TP63: variants seen among roughly 807,000 people sequenced by gnomAD.
TP63 encodes the protein tumor protein p63.
Under a neutral mutation model 82.8 loss-of-function variants are expected in TP63, and 17 were observed. That is an observed-to-expected ratio of 0.21 (90% confidence interval 0.14 to 0.31). The LOEUF (loss-of-function observed/expected upper bound fraction) is 0.31. TP63 is among the 10% of genes least tolerant of loss of function. The pLI is 1.00. For synonymous variants in TP63, 330 were observed against 321.7 expected (o/e 1.03, Z -0.28); for missense variants, 648 against 895.3 (o/e 0.72, Z 3.52).
chr3:189,724,009 ATTTT>A (rs34805260), intron 1 of TP63, among the ~76,000 whole-genome samples: 54 of 116,530 alleles, frequency 4.6e-4, no homozygotes, highest in Admixed American at 6.3e-4. Context: ...CCTGGCTTTC[ATTTT>A]TTTTTTTTTT....
At chr3:189,751,743 G>A (rs942777888) in intron 3 of TP63, among the ~76,000 whole-genome samples, 10 of 152,046 alleles carry the variant, frequency 6.6e-5, no homozygotes, top group African/African-American at 2.4e-4. Flanking sequence ...TGGGTAGATT[G>A]CAAAAATTTT....
intron 3 of TP63, among the ~76,000 whole-genome samples, chr3:189,753,193 A>G (rs1721947080): frequency 6.6e-6 from 1 of 152,058 alleles, no homozygotes; most frequent in South Asian, 2.1e-4. Context: ...TTTTATATCC[A>G]TTCTGATTTT....
intron 1 of TP63, among the ~76,000 whole-genome samples, chr3:189,688,584 C>T (rs1716631565): frequency 6.6e-6 from 1 of 152,102 alleles, no homozygotes; most frequent in Non-Finnish European, 1.5e-5. Context: ...TATCACTGTA[C>T]CCTTTTGCTA....
chr3:189,601,122 C>A, the TP63 span, among the ~76,000 whole-genome samples: 1 of 152,134 alleles, frequency 6.6e-6, no homozygotes, highest in South Asian at 2.1e-4. Flanking sequence ...TGTTTTAAAG[C>A]CTTCTTCAGT....
intron 6 of TP63, among the ~76,000 whole-genome samples, chr3:189,867,333 T>G (rs1717853010): frequency 6.6e-6 from 1 of 152,232 alleles, no homozygotes; most frequent in African/African-American, 2.4e-5. Flanking sequence ...TAGGCTTCAG[T>G]TGCCTTACCC....
intron 9 of TP63, among the ~76,000 whole-genome samples, chr3:189,871,795 C>T (rs1024885146): frequency 1.1e-4 from 17 of 152,128 alleles, no homozygotes; most frequent in African/African-American, 4.1e-4. Context: ...GATCATGGTT[C>T]ACTGCAGCCT....
chr3:189,807,994 A>G (rs1727098240), intron 3 of TP63, among the ~76,000 whole-genome samples: 2 of 152,186 alleles, frequency 1.3e-5, no homozygotes, highest in South Asian at 4.1e-4. Context: ...TAGTTTGTGA[A>G]TAAGCATATA....
chr3:189,749,588 G>A (rs973967654), intron 3 of TP63, among the ~76,000 whole-genome samples: 5 of 152,060 alleles, frequency 3.3e-5, no homozygotes, highest in Non-Finnish European at 7.4e-5. Context: ...ACTGTTGGTA[G>A]GAATGTCAAT....
chr3:189,667,320 A>C (rs1015462893), intron 1 of TP63, among the ~76,000 whole-genome samples: 1 of 151,634 alleles, frequency 6.6e-6, no homozygotes, highest in Non-Finnish European at 1.5e-5. Flanking sequence ...GATTATAGGC[A>C]CCCGCCACCA....
At chr3:189,826,175 T>C (rs1208187700) in intron 4 of TP63, among the ~76,000 whole-genome samples, 1 of 152,216 alleles carries the variant, frequency 6.6e-6, no homozygotes, top group African/African-American at 2.4e-5. Flanking sequence ...ACCAAATCTT[T>C]ACATACTGAC....
rs73199793 is a variant in TP63, at chr3:189,879,646, T to A, written c.1349+6651T>A. 6.1e-3 allele frequency among the ~76,000 whole-genome samples: 935 copies of A among 152,310 alleles called. 4 individuals carry two copies. Among genetic ancestry groups the A allele is most frequent in the Non-Finnish European group, 0.01 (713 of 68,028 alleles). Reference sequence around the variant, plus strand: ...TTTCTTCTTCTTCATTCCTTTTTTTTAATTGAGTCCAGTAAACCGTATGCG... The same window carrying A: ...TTTCTTCTTCTTCATTCCTTTTTTTAAATTGAGTCCAGTAAACCGTATGCG... On this transcript the variant is annotated intron_variant, in intron 10 of 13. Coordinates refer to ENST00000264731, the MANE Select transcript of TP63 (RefSeq NM_003722.5).
At chr3:189,875,614 A>ACG (rs1361515135) in intron 10 of TP63, among the ~76,000 whole-genome samples, 27 of 106,696 alleles carry the variant, frequency 2.5e-4, no homozygotes, top group African/African-American at 1.0e-3. Context: ...ATATATATAT[A>ACG]TATATATATA....
chr3:189,630,886 G>A (rs767112261), upstream of TP63, among the ~76,000 whole-genome samples: 5 of 151,894 alleles, frequency 3.3e-5, no homozygotes, highest in Non-Finnish European at 5.9e-5. Context: ...CACAACAGGC[G>A]GTTGGCTGAA....
intron 4 of TP63, among the ~76,000 whole-genome samples, chr3:189,819,747 CTTTT>C (rs367763002): frequency 0.15 from 13,504 of 88,922 alleles, 470 homozygotes; most frequent in Middle Eastern, 0.32. Flanking sequence ...TATATTTTAC[CTTTT>C]TTTTTTTTTT....
intron 10 of TP63, among the ~76,000 whole-genome samples, chr3:189,884,834 T>C (rs1720272997): frequency 6.6e-6 from 1 of 152,242 alleles, no homozygotes; most frequent in East Asian, 1.9e-4. Flanking sequence ...TTTGCATTCA[T>C]CTAGCTGTGG....
At chr3:189,618,095 C>A in the TP63 span, among the ~76,000 whole-genome samples, 1 of 152,158 alleles carries the variant, frequency 6.6e-6, no homozygotes, top group Non-Finnish European at 1.5e-5. Context: ...TAAAGAATTT[C>A]AAGATGGTAA....
intron 10 of TP63, among the ~76,000 whole-genome samples, chr3:189,874,126 G>A (rs1418812821): frequency 1.3e-5 from 2 of 152,160 alleles, no homozygotes; most frequent in African/African-American, 4.8e-5. Context: ...TAGGAGTGCA[G>A]TGGCACTTTC....
intron 1 of TP63, among the ~76,000 whole-genome samples, chr3:189,669,987 TAAC>T (rs1714752141): frequency 6.6e-6 from 1 of 151,598 alleles, no homozygotes; most frequent in African/African-American, 2.4e-5. Context: ...CCTATTGAAT[TAAC>T]AAAAAAGGGG....
chr3:189,598,031 A>G, the TP63 span, among the ~76,000 whole-genome samples: 1 of 152,204 alleles, frequency 6.6e-6, no homozygotes, highest in African/African-American at 2.4e-5. Context: ...TGGAAGTTAT[A>G]GAACTGTAAA....
Sources: allele counts gnomAD v4.1 joint callset (sites outside exome capture counted in the v4.1 genomes callset), GRCh38; gene constraint gnomAD v4.1.1; transcripts MANE v1.5; gene names NCBI Gene and HGNC (gene_info 2026-07-23, HGNC 2026-07-21).